Variants in MAP4 observed in about 807,000 individuals in gnomAD.
The protein encoded by MAP4 is microtubule associated protein 4, also known as microtubule-associated protein 4.
Under a neutral mutation model 170.2 loss-of-function variants are expected in MAP4, and 76 were observed. That is an observed-to-expected ratio of 0.45 (90% CI 0.37 to 0.54). MAP4 has a LOEUF of 0.54. Among genes scored for constraint, MAP4 ranks in the 20% least tolerant of loss-of-function variants. The pLI, the probability that MAP4 is intolerant of heterozygous loss-of-function variation, is 0.00. For synonymous variants in MAP4, 909 were observed against 994.5 expected, an observed-to-expected ratio of 0.91 and a Z score of 1.62; for missense variants, 2,506 against 2,748.0, an observed-to-expected ratio of 0.91 and a Z score of 1.97.
chr3:48,065,594 C>A lies in MAP4; in HGVS notation c.-20+23179G>T, dbSNP rs144730738. On this transcript the variant is annotated intron_variant, in intron 1 of 18. Coordinates refer to the MAP4 transcript ENST00000360240. ...CTATCCCTAGCGGACTATATAGAAG[C>A]CTGCCTTGGTGTTGAGCAAATCAAA... 8.5e-5 allele frequency among the ~76,000 whole-genome samples: 13 copies of A among 152,306 alleles called. 1 individual carries two copies. In the East Asian group the frequency reaches 1.7e-3, roughly 20 times the overall value.
At chr3:48,074,723 TGTG>T (rs1353548755) in intron 1 of MAP4, among the ~76,000 whole-genome samples, 48 of 149,298 alleles carry the variant, frequency 3.2e-4, no homozygotes, top group African/African-American at 1.1e-3. Context: ...TGTGTGTGTG[TGTG>T]ATATGTCGGC....
At chr3:48,006,901 T>G (rs2100102660) in intron 1 of MAP4, among the ~76,000 whole-genome samples, 1 of 152,252 alleles carries the variant, frequency 6.6e-6, no homozygotes, top group Non-Finnish European at 1.5e-5. Flanking sequence ...TCCTGGTACC[T>G]GCTATGCAGC....
chr3:47,888,949 A>G (rs1044497686), intron 10 of MAP4, among the ~76,000 whole-genome samples: 4 of 152,250 alleles, frequency 2.6e-5, no homozygotes, highest in African/African-American at 9.6e-5. Flanking sequence ...CCAATAAGAT[A>G]TAATTACTCA....
intron 1 of MAP4, among the ~76,000 whole-genome samples, chr3:48,004,902 AAG>A (rs2100101350): frequency 6.6e-6 from 1 of 152,000 alleles, no homozygotes; most frequent in South Asian, 2.1e-4. Flanking sequence ...TGCCTGAGGC[AAG>A]AGTCATGGCC....
At chr3:47,992,405 C>G (rs1220168918) in intron 2 of MAP4, among the ~76,000 whole-genome samples, 2 of 152,046 alleles carry the variant, frequency 1.3e-5, no homozygotes, top group Non-Finnish European at 2.9e-5. Context: ...AATTTACAAC[C>G]TATCATAATT....
At chr3:48,036,222 G>A (rs1333342015) in intron 1 of MAP4, among the ~76,000 whole-genome samples, 1 of 152,058 alleles carries the variant, frequency 6.6e-6, no homozygotes, top group Non-Finnish European at 1.5e-5. Flanking sequence ...AGACTGAAAA[G>A]TCAAAGGCTA....
chr3:48,037,772 G>A (rs2100119488), intron 1 of MAP4, among the ~76,000 whole-genome samples: 1 of 152,120 alleles, frequency 6.6e-6, no homozygotes, highest in South Asian at 2.1e-4. Flanking sequence ...CACTCTATAT[G>A]ATATGTACTT....
chr3:47,863,921 G>GTGTGTGTGTGTGTGT (rs2073901008), intron 17 of MAP4, among the ~76,000 whole-genome samples: 1 of 110,794 alleles, frequency 9.0e-6, no homozygotes, highest in East Asian at 2.2e-4. Flanking sequence ...TGTGGGTGTG[G>GTGTGTGTGTGTGTGT]GTGTGTGTGT....
At position 47,918,797 on chromosome 3, in the gene MAP4, C is replaced by G. The variant is rs1284330677; in HGVS notation, c.574G>C (p.Val192Leu). Residue 192 changes from valine (V) to leucine (L), a missense_variant, in exon 6 of 21, where the codon GTG becomes CTG. Physicochemically the swap from Val to Leu is conservative, Grantham distance 32. Coordinates refer to ENST00000683076, the MANE Select transcript of MAP4 (RefSeq NM_001385682.1). The stretch of plus-strand genomic sequence containing the variant: ...GAGTGTGGAGAGTTTAAGGCTTCCA[C>G]AGACCACCCCTGAGGTACAACAGCT... ...NTAVVPQGWS[V>L]EALNSPHSES... The G allele has an allele frequency of 1.9e-6, 3 of 1,612,978 alleles. No homozygotes were observed. Among genetic ancestry groups the G allele is most frequent in the Non-Finnish European group, 2.5e-6 (3 of 1,179,120 alleles).
In MAP4 at chr3:47,852,747, C is replaced by T. The variant is rs545746745; in HGVS notation, c.*187G>A. The T allele has an allele frequency of 6.9e-5, 106 of 1,535,006 alleles. 1 individual carries two copies. In the Middle Eastern group the frequency reaches 1.4e-3, roughly 20 times the overall value. ...CGGGCACGCAAAGCAGGAGGGAAGG[C>T]GAGCCTAGCGGGCTGCCCAGCACGG... On this transcript the variant is annotated 3_prime_UTR_variant, in exon 21 of 21. Transcript: ENST00000683076.
rs780694208 is a variant in MAP4 at position 47,921,882 on chromosome 3, G to T, written c.416-4C>A. 1.9e-5 allele frequency: 24 copies of T among 1,264,710 alleles called. No homozygotes were observed. In the South Asian group the frequency reaches 2.6e-4, roughly 14 times the overall value. The allele number at this position is 1,264,710 out of a possible 1,614,324, so 78.3% of individuals were successfully genotyped here. ...TCATGGTACATCTTAAAGGGATCTGGAATATAGAAGAAATCCAAAACTCAT... is the reference window on the plus strand; with the variant it reads ...TCATGGTACATCTTAAAGGGATCTGTAATATAGAAGAAATCCAAAACTCAT... On this transcript the variant is annotated splice_polypyrimidine_tract_variant and splice_region_variant and intron_variant, in intron 4 of 20. Coordinates refer to ENST00000683076, the MANE Select transcript of MAP4 (RefSeq NM_001385682.1).
In MAP4 at chr3:47,875,819, G is replaced by C. The variant is rs1416797488; in HGVS notation, c.5623C>G (p.Pro1875Ala). The part of the protein sequence containing the change: ...QPTSLPKQPA[P>A]TTIGGLNKKP... ...TTATTCAACCCACCAATGGTGGTGG[G>C]AGCTGGCTGCTTAGGGAGAGAAGTG... The change falls in exon 12 of 21, where the codon CCC (proline) becomes GCC (alanine). Residue 1875 changes from proline to alanine, a missense_variant. Transcript: ENST00000683076. 5 of 1,613,866 alleles carry C rather than the reference G, an allele frequency of 3.1e-6. No homozygotes were observed. Among genetic ancestry groups the C allele is most frequent in the Non-Finnish European group, 4.2e-6 (5 of 1,179,998 alleles).
chr3:47,976,720 G>T (rs1363527807), intron 3 of MAP4, among the ~76,000 whole-genome samples: 14 of 152,112 alleles, frequency 9.2e-5, no homozygotes. Context: ...TGGCATTTCT[G>T]GTTGTTTCTA....
intron 17 of MAP4, among the ~76,000 whole-genome samples, chr3:47,863,858 C>T (rs2073511865): frequency 6.7e-6 from 1 of 149,806 alleles, no homozygotes; most frequent in Admixed American, 6.6e-5. Flanking sequence ...AACTAGGATC[C>T]TGTTTGGAGC....
At chr3:48,080,211 T>C (rs2100145944) in intron 1 of MAP4, among the ~76,000 whole-genome samples, 1 of 152,172 alleles carries the variant, frequency 6.6e-6, no homozygotes, top group African/African-American at 2.4e-5. Flanking sequence ...CCGGAAAATC[T>C]TTCTAAAATG....
chr3:48,024,620 G>A (rs2100112142), intron 1 of MAP4, among the ~76,000 whole-genome samples: 1 of 152,188 alleles, frequency 6.6e-6, no homozygotes, highest in Admixed American at 6.5e-5. Context: ...TCAATTACAT[G>A]ACAGCCACAG....
chr3:48,088,419 C>A (rs915040876), intron 1 of MAP4, among the ~76,000 whole-genome samples: 7 of 152,214 alleles, frequency 4.6e-5, no homozygotes, highest in African/African-American at 1.7e-4. Flanking sequence ...CCGAACCCCA[C>A]CCAGGGCCCC....
intron 10 of MAP4, among the ~76,000 whole-genome samples, chr3:47,900,089 C>A (rs768743738): frequency 3.3e-5 from 5 of 152,114 alleles, no homozygotes; most frequent in Non-Finnish European, 5.9e-5. Flanking sequence ...ACCAACTGTT[C>A]CCAGTTATTG....
intron 3 of MAP4, among the ~76,000 whole-genome samples, chr3:47,962,829 C>G (rs965240490): frequency 2.6e-5 from 4 of 152,146 alleles, no homozygotes; most frequent in African/African-American, 7.2e-5. Flanking sequence ...AGCAGAATGC[C>G]TGTTCGTTTT....
Sources: allele counts gnomAD v4.1 joint callset (sites outside exome capture counted in the v4.1 genomes callset), GRCh38; gene constraint gnomAD v4.1.1; transcripts MANE v1.5; gene names NCBI Gene and HGNC (gene_info 2026-07-23, HGNC 2026-07-21).